UNC5C: variants seen among roughly 807,000 people sequenced by gnomAD.
UNC5C encodes unc-5 netrin receptor C.
UNC5C carries 47 observed loss-of-function variants against 99.8 expected under a neutral mutation model. The observed-to-expected ratio is 0.47, with a 90% CI of 0.37 to 0.60. The LOEUF (loss-of-function observed/expected upper bound fraction) is 0.60, where lower values mean the gene tolerates loss of function less well. Among genes scored for constraint, UNC5C ranks in the 20% least tolerant of loss-of-function variants. The pLI, the probability that UNC5C is intolerant of heterozygous loss-of-function variation, is 0.00. For missense variants in UNC5C, 1,062 were observed against 1,165.9 expected (o/e 0.91, Z 1.30); for synonymous variants, 487 against 452.2 (o/e 1.08, Z -0.98).
chr4:95,296,715 T>G (rs955587592), intron 3 of UNC5C, among the ~76,000 whole-genome samples: 7 of 152,184 alleles, frequency 4.6e-5, no homozygotes, highest in Non-Finnish European at 1.0e-4. Context: ...TACATAGAAA[T>G]GAAAGATAAA....
chr4:95,193,899 C>T (rs979373315), intron 12 of UNC5C, among the ~76,000 whole-genome samples: 3 of 152,230 alleles, frequency 2.0e-5, no homozygotes, highest in Middle Eastern at 3.2e-3. Context: ...CCCTGGCGCC[C>T]GGCCTGGCTT....
At chr4:95,296,172 CA>C (rs749642835) in intron 3 of UNC5C, among the ~76,000 whole-genome samples, 20 of 152,302 alleles carry the variant, frequency 1.3e-4, no homozygotes, top group Admixed American at 5.9e-4. Flanking sequence ...TCAGCCTGTA[CA>C]GAGAGAATTT....
intron 2 of UNC5C, among the ~76,000 whole-genome samples, chr4:95,324,960 G>A (rs976299290): frequency 1.3e-5 from 2 of 152,150 alleles, no homozygotes; most frequent in Non-Finnish European, 2.9e-5. Flanking sequence ...TCTCCAAAAC[G>A]GGAATATAAT....
Position 95,206,812 on chromosome 4 carries a change from A to C in UNC5C, c.1734-16T>G. 1.3e-6 allele frequency: 2 copies of C among 1,544,186 alleles called. No homozygotes were observed. The highest frequency in any genetic ancestry group is 1.7e-6 in the Non-Finnish European group (2 of 1,146,778). On this transcript the variant is annotated splice_polypyrimidine_tract_variant and intron_variant, in intron 10 of 15. Transcript: ENST00000453304. ...CATGGGTGGCCTAGGAGGAGAGCAG[A>C]GAATGGCTTCAGTGACATTTCCATT...
chr4:95,282,133 TA>T (rs1560768269), intron 3 of UNC5C, among the ~76,000 whole-genome samples: 2 of 151,356 alleles, frequency 1.3e-5, no homozygotes, highest in East Asian at 1.9e-4. Flanking sequence ...GACTGCAGCA[TA>T]AAAAAAAGAG....
At chr4:95,370,073 G>A (rs80252992) in intron 1 of UNC5C, among the ~76,000 whole-genome samples, 11,000 of 152,220 alleles carry the variant, frequency 0.072, 525 homozygotes, top group African/African-American at 0.13. Flanking sequence ...GTCTAGAGCT[G>A]CGCTCTCCAA....
At chr4:95,530,389 G>T (rs527964180) in intron 1 of UNC5C, among the ~76,000 whole-genome samples, 1 of 152,254 alleles carries the variant, frequency 6.6e-6, no homozygotes, top group African/African-American at 2.4e-5. Flanking sequence ...GAGGTGTTCA[G>T]TTCCACAAAG....
intron 5 of UNC5C, 61 bp downstream of exon 5, chr4:95,250,426 G>T (rs1325187703): frequency 1.3e-6 from 2 of 1,530,278 alleles, no homozygotes; most frequent in African/African-American, 1.4e-5. Flanking sequence ...TAGCTTTACC[G>T]ATGCCAACGA....
chr4:95,172,872 G>A (rs10212774), intron 14 of UNC5C, among the ~76,000 whole-genome samples: 3 of 152,028 alleles, frequency 2.0e-5, no homozygotes, highest in Admixed American at 2.0e-4. Context: ...CTACCCATGA[G>A]CATGGAATGT....
At chr4:95,371,520 C>T (rs28687238) in intron 1 of UNC5C, among the ~76,000 whole-genome samples, 32,026 of 151,704 alleles carry the variant, frequency 0.21, 4,189 homozygotes, top group African/African-American at 0.36. Context: ...AGAGGCAAGT[C>T]CTGCATCTAC....
chr4:95,203,523 TCA>T (rs1737766055), intron 11 of UNC5C, among the ~76,000 whole-genome samples: 1 of 152,108 alleles, frequency 6.6e-6, no homozygotes, highest in East Asian at 1.9e-4. Context: ...AGGCTGGAGT[TCA>T]GTGGCAAGAT....
intron 1 of UNC5C, among the ~76,000 whole-genome samples, chr4:95,494,442 G>T (rs950615985): frequency 2.6e-5 from 4 of 151,296 alleles, no homozygotes; most frequent in Non-Finnish European, 3.0e-5. Context: ...CCCATAATTT[G>T]CACTGGAGAT....
chr4:95,389,216 A>G lies in UNC5C; in HGVS notation c.125-53585T>C, dbSNP rs374030975. On this transcript the variant is annotated intron_variant, in intron 1 of 15. Transcript: ENST00000453304. ...CACAAAACATGCAAAGCTGTTGGAA[A>G]GAAAATCTGGTCAATTCCAGTACTA... Among the ~76,000 whole-genome samples the G allele has an allele frequency of 1.3e-3, 196 of 152,340 alleles. 1 individual carries two copies. Among genetic ancestry groups the G allele is most frequent in the African/African-American group, 4.5e-3 (188 of 41,592 alleles).
chr4:95,338,258 CTG>C (rs1182929971), intron 1 of UNC5C, among the ~76,000 whole-genome samples: 2 of 152,014 alleles, frequency 1.3e-5, no homozygotes, highest in Non-Finnish European at 2.9e-5. Context: ...CCATAGAAAA[CTG>C]TCAAGTTTCA....
chr4:95,490,133 G>A (rs1047155111), intron 1 of UNC5C, among the ~76,000 whole-genome samples: 10 of 151,554 alleles, frequency 6.6e-5, no homozygotes, highest in African/African-American at 2.4e-4. Context: ...ACAGATCTGA[G>A]AGGAAGAGAG....
At chr4:95,354,797 C>A (rs2149431293) in intron 1 of UNC5C, among the ~76,000 whole-genome samples, 1 of 151,972 alleles carries the variant, frequency 6.6e-6, no homozygotes, top group East Asian at 1.9e-4. Context: ...AGCATCATTT[C>A]TTTTAGGAAG....
At chr4:95,218,927 G>A (rs1579240614) in intron 9 of UNC5C, 42 bp downstream of exon 9, 1 of 1,525,024 alleles carries the variant, frequency 6.6e-7, no homozygotes, top group South Asian at 1.3e-5. Context: ...GGAAAAATAT[G>A]TTTCAAGCTG....
intron 1 of UNC5C, among the ~76,000 whole-genome samples, chr4:95,433,789 C>T (rs1274681952): frequency 6.6e-6 from 1 of 152,048 alleles, no homozygotes; most frequent in Non-Finnish European, 1.5e-5. Context: ...AAACCTTCTA[C>T]CAAGTATGAT....
intron 1 of UNC5C, among the ~76,000 whole-genome samples, chr4:95,442,617 A>T (rs1325363023): frequency 6.6e-6 from 1 of 152,094 alleles, no homozygotes; most frequent in East Asian, 1.9e-4. Context: ...AGGCACACTT[A>T]TCATTTTTAA....
Sources: gnomAD v4.1 joint callset for allele counts (sites outside exome capture counted in the v4.1 genomes callset) on GRCh38, gnomAD v4.1.1 for gene constraint, MANE v1.5 for transcripts, NCBI Gene and HGNC (gene_info 2026-07-23, HGNC 2026-07-21) for gene names.